ASXL3: variants seen among roughly 807,000 people sequenced by gnomAD.
The protein encoded by ASXL3 is ASXL transcriptional regulator 3, also known as putative Polycomb group protein ASXL3.
ASXL3 carries 34 observed loss-of-function variants against 170.6 expected under a neutral mutation model. The ratio of observed to expected loss-of-function variants is 0.20; its 90% CI spans 0.15 to 0.27. The LOEUF is 0.27. Among genes scored for constraint, ASXL3 ranks in the 10% least tolerant of loss-of-function variants. The probability of loss-of-function intolerance (pLI) is 1.00; values close to 1 mark genes in which losing one functional copy is unlikely to be tolerated. For missense variants in ASXL3, 2,592 were observed against 2,695.3 expected, an observed-to-expected ratio of 0.96 and a Z score of 0.85; for synonymous variants, 1,002 against 989.1, an observed-to-expected ratio of 1.01 and a Z score of -0.24.
intron 8 of ASXL3, among the ~76,000 whole-genome samples, chr18:33,707,629 C>T (rs1056448862): frequency 6.6e-6 from 1 of 151,836 alleles, no homozygotes; most frequent in African/African-American, 2.4e-5. Context: ...ATAATAATTA[C>T]AGTTTTATGT....
At chr18:33,635,440 C>T (rs1295528646) in intron 2 of ASXL3, among the ~76,000 whole-genome samples, 1 of 152,182 alleles carries the variant, frequency 6.6e-6, no homozygotes, top group Non-Finnish European at 1.5e-5. Flanking sequence ...AGCTTTATCC[C>T]CTGCAGGCCC....
Position 33,739,127 on chromosome 18 carries a change from G to T in ASXL3, c.1723G>T (p.Gly575Trp). 1 of 1,613,398 alleles carries T rather than the reference G, an allele frequency of 6.2e-7. No individual in the cohort carries two copies. Among genetic ancestry groups the T allele is most frequent in the Middle Eastern group, 1.6e-4 (1 of 6,062 alleles). Reference sequence around the variant, plus strand: ...GACCAGTACCCCCAAAATAAAAACAGGGTCATCTTCTCTAGAAGGCCAGTT... The same window carrying T: ...GACCAGTACCCCCAAAATAAAAACATGGTCATCTTCTCTAGAAGGCCAGTT... ...VETSTPKIKT[G>W]SSSLEGQFPN... Residue 575 changes from glycine to tryptophan, a missense_variant, in exon 11 of 12, where the codon GGG (glycine) becomes TGG (tryptophan). Physicochemically the swap from Gly to Trp is radical, Grantham distance 184. Around this residue, in one of 4 missense-constraint regions of ASXL3, gnomAD observed 2,246 missense variants for 2,219.6 expected, o/e 1.01. Coordinates refer to ENST00000269197, the MANE Select transcript of ASXL3 (RefSeq NM_030632.3).
chr18:33,671,910 G>A (rs1436226889), intron 7 of ASXL3, 44 bp downstream of exon 7: 1 of 1,460,226 alleles, frequency 6.8e-7, no homozygotes, highest in Non-Finnish European at 9.1e-7. Flanking sequence ...TTAGAAATTT[G>A]TGTTTTCTCA....
chr18:33,661,477 A>G (rs1380045280), intron 4 of ASXL3, 139 bp from the exon 5 acceptor site: 5 of 725,804 alleles, frequency 6.9e-6, no homozygotes, highest in Non-Finnish European at 8.9e-6. Flanking sequence ...TCATATGTAG[A>G]TACTATTCTT....
chr18:33,626,277 T>A (rs1266007344), intron 2 of ASXL3, among the ~76,000 whole-genome samples: 9 of 151,870 alleles, frequency 5.9e-5, no homozygotes, highest in African/African-American at 1.9e-4. Flanking sequence ...ATTGATCATT[T>A]AAAAAAAAAT....
At chr18:33,691,315 T>A (rs919397946) in intron 8 of ASXL3, among the ~76,000 whole-genome samples, 1 of 152,120 alleles carries the variant, frequency 6.6e-6, no homozygotes, top group Non-Finnish European at 1.5e-5. Context: ...CTCCCATTGT[T>A]AATTCTAGTT....
intron 8 of ASXL3, among the ~76,000 whole-genome samples, chr18:33,686,308 G>T (rs1424069107): frequency 6.6e-6 from 1 of 152,136 alleles, no homozygotes. Context: ...AACTTCATAC[G>T]CAAGTGTAAT....
chr18:33,601,620 T>C (rs528226137), intron 1 of ASXL3, among the ~76,000 whole-genome samples: 1 of 151,756 alleles, frequency 6.6e-6, no homozygotes, highest in African/African-American at 2.4e-5. Context: ...TTTGGAGATA[T>C]AGATGTGAAT....
At chr18:33,713,116 A>C (rs2067095966) in intron 8 of ASXL3, among the ~76,000 whole-genome samples, 1 of 151,866 alleles carries the variant, frequency 6.6e-6, no homozygotes, top group African/African-American at 2.4e-5. Flanking sequence ...GGGAAAGATC[A>C]TCTCTAGTGT....
chr18:33,648,085 G>T (rs2065942420), intron 4 of ASXL3, among the ~76,000 whole-genome samples: 1 of 152,056 alleles, frequency 6.6e-6, no homozygotes, highest in African/African-American at 2.4e-5. Context: ...AAGTTATGGG[G>T]GCCAGGTTAT....
chr18:33,693,510 G>C (rs2066720458), intron 8 of ASXL3, among the ~76,000 whole-genome samples: 1 of 152,048 alleles, frequency 6.6e-6, no homozygotes. Context: ...GAAAGTGGGA[G>C]TTTTCCCCTG....
In ASXL3 at chr18:33,690,491, A is replaced by G. The variant is rs141222090; in HGVS notation, c.879+6923A>G. On this transcript the variant is annotated intron_variant, in intron 8 of 11. Coordinates refer to ENST00000269197, the MANE Select transcript of ASXL3 (RefSeq NM_030632.3). ...CAAGGAACATCATGTAGAAGAAAGT[A>G]TGTGAGCCTATTTACGTAATATATA... Among the ~76,000 whole-genome samples the G allele has an allele frequency of 7.5e-3, 1,148 of 152,324 alleles. 9 individuals carry two copies. Among genetic ancestry groups the G allele is most frequent in the Middle Eastern group, 0.014 (4 of 294 alleles).
In ASXL3 at chr18:33,746,752, A is replaced by G. The variant is rs1599580539; in HGVS notation, c.*157A>G. 4 of 1,233,642 alleles carry G rather than the reference A, an allele frequency of 3.2e-6. No homozygotes were observed. Among genetic ancestry groups the G allele is most frequent in the Non-Finnish European group, 4.3e-6 (4 of 925,928 alleles). The allele number at this position is 1,233,642 out of a possible 1,614,324, so 76.4% of individuals were successfully genotyped here. A position where few individuals can be genotyped will look rare whatever the true frequency, so the allele number is the denominator to read the frequency against. ...ATGGCATTATTTTCTTGCATTTCTC[A>G]TAAAGGGGAGGATGCATCCCAACTG... On this transcript the variant is annotated 3_prime_UTR_variant, in exon 12 of 12. Transcript: ENST00000269197.
intron 8 of ASXL3, among the ~76,000 whole-genome samples, chr18:33,701,668 C>G (rs1347618662): frequency 6.6e-6 from 1 of 152,004 alleles, no homozygotes; most frequent in African/African-American, 2.4e-5. Flanking sequence ...GAATTTTATC[C>G]TTGGCTTTCA....
At chr18:33,589,066 T>C (rs529953371) in intron 1 of ASXL3, among the ~76,000 whole-genome samples, 2 of 152,300 alleles carry the variant, frequency 1.3e-5, no homozygotes, top group South Asian at 2.1e-4. Context: ...CAGGCTGTTA[T>C]ATGGGTTATG....
At chr18:33,597,459 C>T (rs562881421) in intron 1 of ASXL3, among the ~76,000 whole-genome samples, 185 of 151,990 alleles carry the variant, frequency 1.2e-3, no homozygotes, top group Admixed American at 1.3e-3. Flanking sequence ...TAACCATCTC[C>T]CTCTTAGACT....
At position 33,743,860 on chromosome 18, in the gene ASXL3, T is replaced by C; in HGVS notation, c.4012T>C (p.Tyr1338His). ...TGCTAGTAACTTAGTCTCCACTCAG[T>C]ACACCTCTGTGCCAACTCCCTCCAT... is the stretch of plus-strand genomic sequence containing the variant. ...SSASNLVSTQ[Y>H]TSVPTPSIGN... The change falls in exon 12 of 12, where the codon TAC becomes CAC. Residue 1338 changes from tyrosine to histidine, a missense_variant. By Grantham distance (83) the Tyr-to-His change is moderately conservative (BLOSUM62 2). Transcript: ENST00000269197. 5 of 1,614,050 alleles carry C rather than the reference T, an allele frequency of 3.1e-6. No homozygotes were observed. Among genetic ancestry groups the C allele is most frequent in the Non-Finnish European group, 4.2e-6 (5 of 1,179,894 alleles).
chr18:33,742,730 C>T (rs2145422493), intron 11 of ASXL3, among the ~76,000 whole-genome samples, 158 bp from the exon 12 acceptor site: 1 of 152,240 alleles, frequency 6.6e-6, no homozygotes, highest in East Asian at 1.9e-4. Flanking sequence ...TTTCTTATTG[C>T]TTTATGCCCT....
chr18:33,679,339 A>T (rs1249037248), intron 7 of ASXL3, among the ~76,000 whole-genome samples: 1 of 152,148 alleles, frequency 6.6e-6, no homozygotes, highest in African/African-American at 2.4e-5. Flanking sequence ...AAAAATACAG[A>T]TGCTAGTAGA....
Sources: allele counts gnomAD v4.1 joint callset (sites outside exome capture counted in the v4.1 genomes callset), GRCh38; gene constraint gnomAD v4.1.1; regional missense constraint gnomAD v4.1.1; transcripts MANE v1.5; gene names NCBI Gene and HGNC (gene_info 2026-07-23, HGNC 2026-07-21).